PCDHA2: variants seen among roughly 807,000 people sequenced by gnomAD.
PCDHA2 encodes protocadherin alpha 2.
PCDHA2 carries 58 observed loss-of-function variants against 66.0 expected under a neutral mutation model. The ratio of observed to expected loss-of-function variants is 0.88; its 90% CI spans 0.71 to 1.09. PCDHA2 has a LOEUF of 1.09. Among genes scored for constraint, PCDHA2 ranks in the 50% least tolerant of loss-of-function variants. PCDHA2 has a pLI of 0.00. For synonymous variants in PCDHA2, 634 were observed against 554.0 expected, an observed-to-expected ratio of 1.14 and a Z score of -2.03; for missense variants, 1,267 against 1,242.3, an observed-to-expected ratio of 1.02 and a Z score of -0.30.
chr5:140,818,713 C>A (rs1042891714), intron 1 of PCDHA2, among the ~76,000 whole-genome samples: 1 of 152,124 alleles, frequency 6.6e-6, no homozygotes, highest in Non-Finnish European at 1.5e-5. Flanking sequence ...TGGTGCACAC[C>A]TGTGGTCCCA....
At chr5:140,835,948 C>T (rs2150248824) in intron 1 of PCDHA2, 2 of 1,612,794 alleles carry the variant, frequency 1.2e-6, no homozygotes, top group East Asian at 2.2e-5. Context: ...GCGCTGCAGC[C>T]GTTGGACCAC....
chr5:140,850,643 G>A, intron 1 of PCDHA2: 1 of 1,598,690 alleles, frequency 6.3e-7, no homozygotes, highest in African/African-American at 1.3e-5. Context: ...TCACGCTGCT[G>A]CTGTACACTG....
chr5:140,840,146 G>A (rs2150303879), intron 1 of PCDHA2, among the ~76,000 whole-genome samples: 10 of 152,008 alleles, frequency 6.6e-5, no homozygotes, highest in Admixed American at 3.3e-4. Flanking sequence ...ATTATCACAC[G>A]TGAAAGGAGA....
At chr5:140,884,496 G>T (rs782182672) in intron 1 of PCDHA2, 1 of 1,614,094 alleles carries the variant, frequency 6.2e-7, no homozygotes, top group Non-Finnish European at 8.5e-7. Flanking sequence ...GTGTGCTCCA[G>T]CGCGGCAGGG....
chr5:140,829,611 A>G lies in PCDHA2; in HGVS notation c.2388+32259A>G, dbSNP rs1282023154. 6 of 1,612,132 alleles carry G rather than the reference A, an allele frequency of 3.7e-6. No individual in the cohort carries two copies. The East Asian group carries it at 6.7e-5, about 18-fold the overall frequency. On this transcript the variant is annotated intron_variant, in intron 1 of 3. Coordinates refer to ENST00000526136, the MANE Select transcript of PCDHA2 (RefSeq NM_018905.3). ...GTGGGCGAGCGCGCGTTGTCGAGCT[A>G]CATTTCGGTGCACGCGGAGAGCGGC...
At chr5:140,882,300 C>T in intron 1 of PCDHA2, 2 of 1,613,722 alleles carry the variant, frequency 1.2e-6, no homozygotes, top group Non-Finnish European at 1.7e-6. Context: ...GGCCCAAGAC[C>T]GCGGCAACTA....
intron 1 of PCDHA2, among the ~76,000 whole-genome samples, chr5:140,798,006 C>T (rs1362801345): frequency 1.3e-5 from 2 of 152,134 alleles, no homozygotes; most frequent in Non-Finnish European, 2.9e-5. Flanking sequence ...GCGCCCACCA[C>T]CACGCCCGGC....
Position 140,870,243 on chromosome 5 carries a change from C to A in PCDHA2, c.2388+72891C>A, listed in dbSNP as rs782592982. 3.1e-6 allele frequency: 5 copies of A among 1,614,176 alleles called. No homozygotes were observed. The East Asian group carries it at 6.7e-5, about 22-fold the overall frequency. On this transcript the variant is annotated intron_variant, in intron 1 of 3. Transcript: ENST00000526136. Reference sequence around the variant, plus strand: ...GCGTGTCTGACCGTGACTCAGGTGTCAACGGACAGGTGACCTGCTCGCTGA... The same window carrying A: ...GCGTGTCTGACCGTGACTCAGGTGTAAACGGACAGGTGACCTGCTCGCTGA...
At chr5:140,902,509 A>G (rs1242435474) in intron 1 of PCDHA2, among the ~76,000 whole-genome samples, 2 of 152,056 alleles carry the variant, frequency 1.3e-5, no homozygotes, top group Non-Finnish European at 2.9e-5. Context: ...TGAGTCTGTC[A>G]TATATGGTTT....
At chr5:140,848,429 G>T (rs1781516011) in intron 1 of PCDHA2, 1 of 1,456,608 alleles carries the variant, frequency 6.9e-7, no homozygotes, top group Admixed American at 1.9e-5. Flanking sequence ...TGGGACTGAC[G>T]AAATCAGATG....
intron 1 of PCDHA2, among the ~76,000 whole-genome samples, chr5:140,837,963 AC>A (rs1775339746): frequency 6.6e-6 from 1 of 151,764 alleles, no homozygotes; most frequent in Non-Finnish European, 1.5e-5. Context: ...ACAGACACGA[AC>A]AACCACACCC....
At position 140,843,179 on chromosome 5, in the gene PCDHA2, A is replaced by T. The variant is rs1554139831; in HGVS notation, c.2388+45827A>T. On this transcript the variant is annotated intron_variant, in intron 1 of 3. Transcript: ENST00000526136. Reference sequence around the variant, plus strand: ...GCAGCCAGCTGCAAGCAGCCCTCGCATCCCGTTCCGCGTGGGGCTGTACAC... The same window carrying T: ...GCAGCCAGCTGCAAGCAGCCCTCGCTTCCCGTTCCGCGTGGGGCTGTACAC... 4 of 1,595,858 alleles carry T rather than the reference A, an allele frequency of 2.5e-6. 1 individual carries two copies. In the Admixed American group the frequency reaches 5.1e-5, roughly 20 times the overall value.
At chr5:140,799,148 C>A (rs995280112) in intron 1 of PCDHA2, among the ~76,000 whole-genome samples, 1 of 152,072 alleles carries the variant, frequency 6.6e-6, no homozygotes, top group Admixed American at 6.5e-5. Context: ...TAAGTGACAT[C>A]TAGGTGGTAG....
chr5:140,966,750 C>A, intron 1 of PCDHA2: 1 of 1,428,438 alleles, frequency 7.0e-7, no homozygotes, highest in South Asian at 1.5e-5. Flanking sequence ...CGGCTGCCTC[C>A]GCCGCGGCCA....
intron 1 of PCDHA2, chr5:140,802,137 A>C (rs1554121887): frequency 6.2e-7 from 1 of 1,614,238 alleles, no homozygotes; most frequent in Non-Finnish European, 8.5e-7. Context: ...CGAGGAAAGT[A>C]AGTCATATGA....
At chr5:140,912,939 T>C (rs1372074826) in intron 1 of PCDHA2, among the ~76,000 whole-genome samples, 1 of 152,230 alleles carries the variant, frequency 6.6e-6, no homozygotes, top group Middle Eastern at 3.2e-3. Context: ...CATCCTTGTA[T>C]CCCTGGGATA....
intron 1 of PCDHA2, chr5:140,848,264 T>G (rs1156785908): frequency 4.1e-6 from 2 of 490,594 alleles, no homozygotes; most frequent in Non-Finnish European, 7.2e-6. Context: ...GAAATTTTTA[T>G]TCATGAAATA....
intron 1 of PCDHA2, chr5:140,834,672 G>C (rs2150223944): frequency 8.1e-6 from 13 of 1,614,118 alleles, no homozygotes; most frequent in Middle Eastern, 1.6e-4. Context: ...GGAGCTGTGC[G>C]GGCGGAGCGC....
Position 140,967,117 on chromosome 5 carries a change from C to T in PCDHA2, c.2389-11832C>T, listed in dbSNP as rs370329233. 7.4e-6 allele frequency: 12 copies of T among 1,612,904 alleles called. No individual in the cohort carries two copies. The East Asian group carries it at 1.6e-4, about 21-fold the overall frequency. On this transcript the variant is annotated intron_variant, in intron 1 of 3. Coordinates refer to ENST00000526136, the MANE Select transcript of PCDHA2 (RefSeq NM_018905.3). ...CGCTGTGTGAGCAGCGGCCTCGCTG[C>T]CTGCTCAGCTTGGAAGTGCTGGCGC...
Sources: gnomAD v4.1 joint callset for allele counts (sites outside exome capture counted in the v4.1 genomes callset) on GRCh38, gnomAD v4.1.1 for gene constraint, MANE v1.5 for transcripts, NCBI Gene and HGNC (gene_info 2026-07-23, HGNC 2026-07-21) for gene names.